SAP130: variants seen among roughly 807,000 people sequenced by gnomAD.
SAP130 encodes Sin3A associated protein 130.
Under a neutral mutation model 103.2 loss-of-function variants are expected in SAP130, and 16 were observed. The observed-to-expected ratio is 0.16, with a 90% confidence interval of 0.10 to 0.24. The LOEUF is 0.24. Ranked by LOEUF, SAP130 falls within the 10% of genes least tolerant of loss-of-function variation. The probability of loss-of-function intolerance (pLI) is 1.00; values close to 1 mark genes in which losing one functional copy is unlikely to be tolerated. For synonymous variants in SAP130, 477 were observed against 497.0 expected, an observed-to-expected ratio of 0.96 and a Z score of 0.53; for missense variants, 990 against 1,359.7, an observed-to-expected ratio of 0.73 and a Z score of 4.28.
At chr2:128,010,964 A>G (rs573618946) in intron 6 of SAP130, among the ~76,000 whole-genome samples, 1 of 152,016 alleles carries the variant, frequency 6.6e-6, no homozygotes, top group East Asian at 1.9e-4. Flanking sequence ...AAAAAAAAAA[A>G]AATCCCATTT....
At position 128,013,153 on chromosome 2, in the gene SAP130, ACC is replaced by A; in HGVS notation, c.620-1_620del. ...TGGACATCACAGCAGCAGCAGCTGC[ACC>A]TGAAAAAAAAAAAGTGTTTATTATA... On this transcript the variant is annotated splice_acceptor_variant and coding_sequence_variant, in exon 6 of 21. Coordinates refer to ENST00000643581, the MANE Select transcript of SAP130 (RefSeq NM_001330301.2). LOFTEE classifies it high-confidence loss of function. The A allele has an allele frequency of 6.3e-7, 1 of 1,591,504 alleles. No individual in the cohort carries two copies. The highest frequency in any genetic ancestry group is 8.5e-7 in the Non-Finnish European group (1 of 1,172,780).
At chr2:128,005,011 A>G (rs978675562) in intron 7 of SAP130, among the ~76,000 whole-genome samples, 7 of 152,250 alleles carry the variant, frequency 4.6e-5, no homozygotes, top group African/African-American at 1.7e-4. Flanking sequence ...GTGGAACAAA[A>G]CACACCAGAA....
In SAP130 at chr2:128,017,887, T is replaced by G; in HGVS notation, c.141A>C (p.Glu47Asp). 1.2e-6 allele frequency: 2 copies of G among 1,614,184 alleles called. No individual in the cohort carries two copies. The highest frequency in any genetic ancestry group is 1.1e-5 in the South Asian group (1 of 91,080). Reference protein sequence around the residue: ...TVNDESGRDSEVSAREHMSSS... With the variant: ...TVNDESGRDSDVSAREHMSSS... ...AACTCATGTGCTCCCTGGCACTGAC[T>G]TCAGAATCTCGACCAGATTCATCAT... Residue 47 changes from glutamate to aspartate, a missense_variant, in exon 3 of 21, where the codon GAA becomes GAC. Glu to Asp is a conservative substitution (Grantham distance 45). Coordinates refer to ENST00000643581, the MANE Select transcript of SAP130 (RefSeq NM_001330301.2).
chr2:128,006,271 G>T (rs1683969849), intron 7 of SAP130, among the ~76,000 whole-genome samples: 1 of 152,120 alleles, frequency 6.6e-6, no homozygotes, highest in South Asian at 2.1e-4. Flanking sequence ...TTTAAATTTT[G>T]CCCTTTTTGA....
chr2:128,005,051 C>T (rs1683858258), intron 7 of SAP130, among the ~76,000 whole-genome samples: 1 of 152,084 alleles, frequency 6.6e-6, no homozygotes, highest in Non-Finnish European at 1.5e-5. Context: ...GAACACTGTA[C>T]CATGAATTTA....
At chr2:127,978,208 A>C in intron 14 of SAP130, 119 bp from the exon 15 acceptor site, 1 of 681,956 alleles carries the variant, frequency 1.5e-6, no homozygotes, top group Non-Finnish European at 2.5e-6. Flanking sequence ...ACATTGACTA[A>C]GTATTTTTAA....
rs370106943 is a variant in SAP130 at position 127,977,477 on chromosome 2, G to A, written c.2063+508C>T. On this transcript the variant is annotated intron_variant, in intron 15 of 20. Coordinates refer to ENST00000643581, the MANE Select transcript of SAP130 (RefSeq NM_001330301.2). The stretch of plus-strand genomic sequence containing the variant: ...ATAGTGCCACTGCACTCCAGCCTGG[G>A]CAACAGAGCAAAACTCTGTCTCAAA... 6.6e-5 allele frequency among the ~76,000 whole-genome samples: 10 copies of A among 152,272 alleles called. No individual in the cohort carries two copies. The South Asian group carries it at 1.7e-3, about 25-fold the overall frequency.
At chr2:127,975,240 G>A (rs78115589) in intron 15 of SAP130, among the ~76,000 whole-genome samples, 2,996 of 152,286 alleles carry the variant, frequency 0.02, 55 homozygotes, top group Non-Finnish European at 0.029. Flanking sequence ...GCATCCTAGT[G>A]ATAAACCAAT....
At chr2:128,024,400 T>C (rs1422167765) in intron 2 of SAP130, among the ~76,000 whole-genome samples, 4 of 151,876 alleles carry the variant, frequency 2.6e-5, no homozygotes, top group African/African-American at 9.7e-5. Flanking sequence ...CCATAGCTCA[T>C]AAGAAAACGC....
intron 2 of SAP130, 94 bp from the exon 3 acceptor site, chr2:128,018,009 G>C (rs1684896049): frequency 2.0e-6 from 2 of 1,010,666 alleles, no homozygotes; most frequent in African/African-American, 3.2e-5. Flanking sequence ...TAAATCTCAG[G>C]ATTGACAAAG....
intron 2 of SAP130, among the ~76,000 whole-genome samples, chr2:128,021,461 A>G (rs906320825): frequency 3.3e-5 from 5 of 151,622 alleles, no homozygotes; most frequent in Admixed American, 6.6e-5. Flanking sequence ...AAAAAAAAAA[A>G]CAAAAAAACA....
chr2:128,004,170 G>A (rs1683795044), intron 7 of SAP130, among the ~76,000 whole-genome samples: 1 of 151,452 alleles, frequency 6.6e-6, no homozygotes, highest in Non-Finnish European at 1.5e-5. Context: ...TGCCAGTGTG[G>A]TATTTTCTCC....
chr2:127,982,703 G>A (rs1314211423), intron 14 of SAP130, among the ~76,000 whole-genome samples: 1 of 152,228 alleles, frequency 6.6e-6, no homozygotes, highest in Non-Finnish European at 1.5e-5. Flanking sequence ...ACATGTGCCA[G>A]CGTAAATGAA....
intron 14 of SAP130, among the ~76,000 whole-genome samples, chr2:127,983,306 G>A (rs1682092683): frequency 6.6e-6 from 1 of 152,146 alleles, no homozygotes; most frequent in South Asian, 2.1e-4. Context: ...TTTTATAATG[G>A]ATACTCGATC....
chr2:127,997,836 G>A (rs139429584), intron 10 of SAP130, among the ~76,000 whole-genome samples: 6 of 152,324 alleles, frequency 3.9e-5, no homozygotes, highest in African/African-American at 1.4e-4. Flanking sequence ...CATAAAGGCT[G>A]GATGCAGTGG....
intron 7 of SAP130, among the ~76,000 whole-genome samples, chr2:128,006,729 G>A (rs1180750455): frequency 2.0e-5 from 3 of 152,232 alleles, no homozygotes; most frequent in Non-Finnish European, 4.4e-5. Context: ...GCAGTGAGCC[G>A]TGATCAAGCC....
intron 13 of SAP130, among the ~76,000 whole-genome samples, chr2:127,987,881 G>C (rs969036125): frequency 9.2e-5 from 14 of 152,148 alleles, no homozygotes; most frequent in African/African-American, 3.4e-4. Flanking sequence ...AAATACTGGT[G>C]AGCATGAGAT....
At chr2:127,988,750 T>A (rs755241438) in intron 13 of SAP130, among the ~76,000 whole-genome samples, 9 of 151,952 alleles carry the variant, frequency 5.9e-5, no homozygotes, top group Non-Finnish European at 1.2e-4. Context: ...CTCAGGCGGC[T>A]GAGGTGGGAG....
rs559420079 is a variant in SAP130 at position 127,989,301 on chromosome 2, G to A, written c.1780+263C>T. On this transcript the variant is annotated intron_variant, in intron 13 of 20. Transcript: ENST00000643581. The surrounding 1 kb of genome is among the most constrained non-coding windows in gnomAD (Gnocchi z 4.6). The stretch of plus-strand genomic sequence containing the variant: ...TTTTTAGTAGACAGGGTTTTACCAC[G>A]TTAGCCTGGATAGTCTTGATCTCCT... 1.7e-4 allele frequency among the ~76,000 whole-genome samples: 26 copies of A among 151,904 alleles called. No homozygotes were observed. The highest frequency in any genetic ancestry group is 3.1e-4 in the Non-Finnish European group (21 of 67,962).
Sources: gnomAD v4.1 joint callset for allele counts (sites outside exome capture counted in the v4.1 genomes callset) on GRCh38, gnomAD v4.1.1 for gene constraint, Gnocchi (gnomAD v3.1) non-coding constraint, MANE v1.5 for transcripts, NCBI Gene and HGNC (gene_info 2026-07-23, HGNC 2026-07-21) for gene names.